Variants in NAALADL2 observed in about 807,000 individuals in gnomAD.
NAALADL2 encodes inactive N-acetylated-alpha-linked acidic dipeptidase-like protein 2.
Under a neutral mutation model 87.2 loss-of-function variants are expected in NAALADL2, and 76 were observed. The observed-to-expected ratio is 0.87, with a 90% CI of 0.72 to 1.05. The LOEUF (loss-of-function observed/expected upper bound fraction) is 1.05, where lower values mean the gene tolerates loss of function less well. Ranked by LOEUF, NAALADL2 falls within the 50% of genes least tolerant of loss-of-function variation. The pLI, the probability that NAALADL2 is intolerant of heterozygous loss-of-function variation, is 0.00. For synonymous variants in NAALADL2, 354 were observed against 331.0 expected (o/e 1.07, Z -0.75); for missense variants, 1,089 against 945.8 (o/e 1.15, Z -1.99).
intron 1 of NAALADL2, among the ~76,000 whole-genome samples, chr3:174,970,935 G>A (rs1425923445): frequency 6.6e-6 from 1 of 152,108 alleles, no homozygotes. Context: ...CAGCAGATGA[G>A]GCATACCTGA....
At chr3:174,995,640 T>C (rs557783785) in intron 1 of NAALADL2, among the ~76,000 whole-genome samples, 21 of 152,328 alleles carry the variant, frequency 1.4e-4, no homozygotes, top group African/African-American at 5.0e-4. Context: ...ATAGTGCTTT[T>C]AAAGTTGCTT....
intron 2 of NAALADL2, among the ~76,000 whole-genome samples, chr3:175,108,718 C>A (rs1261629254): frequency 6.6e-6 from 1 of 151,900 alleles, no homozygotes; most frequent in Non-Finnish European, 1.5e-5. Context: ...CAGATATTCC[C>A]TTATTATAAC....
At chr3:174,792,483 C>T (rs1430323930) in intron 3 of NAALADL2, among the ~76,000 whole-genome samples, 1 of 152,140 alleles carries the variant, frequency 6.6e-6, no homozygotes, top group Non-Finnish European at 1.5e-5. Context: ...AATGTAAGAG[C>T]TCTCTACCCA....
chr3:175,451,628 A>G (rs1407767303), intron 6 of NAALADL2, among the ~76,000 whole-genome samples: 2 of 152,186 alleles, frequency 1.3e-5, no homozygotes, highest in East Asian at 3.9e-4. Context: ...CGTGAAAAAT[A>G]TAAATGAATC....
At chr3:174,700,397 A>C (rs1251289244) in intron 2 of NAALADL2, among the ~76,000 whole-genome samples, 1 of 152,110 alleles carries the variant, frequency 6.6e-6, no homozygotes, top group East Asian at 1.9e-4. Context: ...GTAATCTTAG[A>C]ATCAATCTAT....
At chr3:175,484,392 T>A (rs900142280) in intron 9 of NAALADL2, among the ~76,000 whole-genome samples, 23 of 152,118 alleles carry the variant, frequency 1.5e-4, no homozygotes, top group African/African-American at 5.5e-4. Context: ...TACCTTTTAA[T>A]CATTATAAAA....
At chr3:175,054,442 A>G (rs1195958771) in intron 1 of NAALADL2, among the ~76,000 whole-genome samples, 1 of 152,220 alleles carries the variant, frequency 6.6e-6, no homozygotes, top group Non-Finnish European at 1.5e-5. Context: ...CGTGGGTTGT[A>G]TAACTGAATT....
chr3:175,250,445 A>G (rs191083139), intron 3 of NAALADL2, among the ~76,000 whole-genome samples: 57 of 152,176 alleles, frequency 3.7e-4, no homozygotes, highest in African/African-American at 1.3e-3. Context: ...CATCCAGCCT[A>G]TGGTATTTTG....
At chr3:175,637,660 T>C (rs758526283) in intron 11 of NAALADL2, among the ~76,000 whole-genome samples, 7 of 152,100 alleles carry the variant, frequency 4.6e-5, no homozygotes, top group Non-Finnish European at 1.0e-4. Context: ...CTTCCATGAG[T>C]GGAAGAAGCC....
intron 5 of NAALADL2, among the ~76,000 whole-genome samples, chr3:175,398,353 T>TTC (rs932198608): frequency 1.4e-5 from 2 of 145,652 alleles, no homozygotes; most frequent in African/African-American, 2.5e-5. Flanking sequence ...ACTTTTTTTT[T>TTC]TTTTTTTTTT....
intron 2 of NAALADL2, among the ~76,000 whole-genome samples, chr3:174,727,552 A>G (rs1010139163): frequency 3.3e-5 from 5 of 152,140 alleles, no homozygotes; most frequent in Non-Finnish European, 5.9e-5. Context: ...ACTTGTTAAA[A>G]AAAATTAATA....
At chr3:175,501,446 G>A (rs1729535987) in intron 9 of NAALADL2, among the ~76,000 whole-genome samples, 1 of 29,446 alleles carries the variant, frequency 3.4e-5, no homozygotes, top group South Asian at 1.3e-3. Flanking sequence ...CACACACAAA[G>A]GCAGCATATG....
At chr3:175,612,776 G>A (rs1325145978) in intron 10 of NAALADL2, among the ~76,000 whole-genome samples, 1 of 152,112 alleles carries the variant, frequency 6.6e-6, no homozygotes, top group Non-Finnish European at 1.5e-5. Context: ...GATTTCTTAT[G>A]ATTGAGACAA....
intron 11 of NAALADL2, among the ~76,000 whole-genome samples, chr3:175,705,977 G>A (rs1310355028): frequency 6.6e-6 from 1 of 152,112 alleles, no homozygotes; most frequent in African/African-American, 2.4e-5. Flanking sequence ...GGCATTTTCG[G>A]CTTAATCAAA....
intron 5 of NAALADL2, among the ~76,000 whole-genome samples, chr3:175,328,316 T>A (rs115109040): frequency 1.3e-3 from 198 of 152,306 alleles, no homozygotes; most frequent in African/African-American, 4.6e-3. Context: ...CAATATTTAG[T>A]TGAGTACTTC....
chr3:174,696,372 T>C (rs1267246292), intron 2 of NAALADL2, among the ~76,000 whole-genome samples: 2 of 151,964 alleles, frequency 1.3e-5, no homozygotes, highest in African/African-American at 2.4e-5. Context: ...TGGGTGTCTA[T>C]TGATGTACAT....
chr3:174,603,115 G>C lies in NAALADL2; in HGVS notation c.-115+52478G>C, dbSNP rs185750110. On this transcript the variant is annotated intron_variant, in intron 2 of 3. Transcript: ENST00000434257. Reference sequence around the variant, plus strand: ...GGTCTTGTTTTGATATCAGGATAATGTGGGCCTCATATAATGAGTTTGGAA... The same window carrying C: ...GGTCTTGTTTTGATATCAGGATAATCTGGGCCTCATATAATGAGTTTGGAA... Among the ~76,000 whole-genome samples, 7 of 152,150 alleles carry C rather than the reference G, an allele frequency of 4.6e-5. No homozygotes were observed. In the South Asian group the frequency reaches 1.5e-3, roughly 32 times the overall value.
At chr3:175,312,405 T>A (rs1245123173) in intron 4 of NAALADL2, among the ~76,000 whole-genome samples, 1 of 152,146 alleles carries the variant, frequency 6.6e-6, no homozygotes, top group Admixed American at 6.6e-5. Context: ...TGTTTCTATG[T>A]ACATTAATCC....
chr3:174,813,197 C>A (rs183136984), intron 3 of NAALADL2, among the ~76,000 whole-genome samples: 1 of 152,052 alleles, frequency 6.6e-6, no homozygotes, highest in African/African-American at 2.4e-5. Context: ...CTTTTGGCTT[C>A]CCTGGTCCAC....
Sources: gnomAD v4.1 joint callset for allele counts (sites outside exome capture counted in the v4.1 genomes callset) on GRCh38, gnomAD v4.1.1 for gene constraint, MANE v1.5 for transcripts, NCBI Gene and HGNC (gene_info 2026-07-23, HGNC 2026-07-21) for gene names.